CDH4: variants seen among roughly 807,000 people sequenced by gnomAD.
CDH4 encodes cadherin 4.
Under a neutral mutation model 86.0 loss-of-function variants are expected in CDH4, and 33 were observed. The observed-to-expected ratio is 0.38, with a 90% CI of 0.29 to 0.51. CDH4 has a LOEUF of 0.51. Among genes scored for constraint, CDH4 ranks in the 20% least tolerant of loss-of-function variants. The probability of loss-of-function intolerance (pLI) is 0.86; values close to 1 mark genes in which losing one functional copy is unlikely to be tolerated. For synonymous variants in CDH4, 555 were observed against 549.4 expected, an observed-to-expected ratio of 1.01 and a Z score of -0.14; for missense variants, 1,114 against 1,307.4, an observed-to-expected ratio of 0.85 and a Z score of 2.28.
intron 2 of CDH4, among the ~76,000 whole-genome samples, chr20:61,450,191 A>C (rs188885782): frequency 1.7e-4 from 26 of 152,332 alleles, no homozygotes; most frequent in Admixed American, 9.2e-4. Flanking sequence ...AGTCTGGTTC[A>C]GGGCTGTCTC....
chr20:61,750,926 A>G (rs946495963), intron 3 of CDH4, among the ~76,000 whole-genome samples: 3 of 152,246 alleles, frequency 2.0e-5, no homozygotes, highest in African/African-American at 4.8e-5. Flanking sequence ...ACAAAAATGT[A>G]CAAGACTTCT....
intron 2 of CDH4, among the ~76,000 whole-genome samples, chr20:61,722,938 G>A (rs193294772): frequency 2.6e-5 from 4 of 152,242 alleles, no homozygotes; most frequent in East Asian, 1.9e-4. Flanking sequence ...TTCTTTCCTC[G>A]TGCTCTTTAG....
At chr20:61,907,736 G>A (rs1476746917) in intron 8 of CDH4, among the ~76,000 whole-genome samples, 2 of 152,180 alleles carry the variant, frequency 1.3e-5, no homozygotes, top group South Asian at 2.1e-4. Flanking sequence ...TGCAGGTTCC[G>A]GGCTCTGGCC....
At chr20:61,688,112 A>G (rs2087608811) in intron 2 of CDH4, among the ~76,000 whole-genome samples, 1 of 152,086 alleles carries the variant, frequency 6.6e-6, no homozygotes, top group Admixed American at 6.5e-5. Context: ...GGTCTCCCCT[A>G]CAGCAGCCTC....
rs553370842 is a variant in CDH4 at position 61,939,228 on chromosome 20, C to T, written c.*2285C>T. 25 of 152,350 alleles carry T rather than the reference C, an allele frequency of 1.6e-4. No individual in the cohort carries two copies. The highest frequency in any genetic ancestry group is 5.3e-4 in the African/African-American group (22 of 41,550). The allele number at this position is 152,350 out of a possible 1,614,324, so 9.4% of individuals were successfully genotyped here. A position where few individuals can be genotyped will look rare whatever the true frequency, so the allele number is the denominator to read the frequency against. On this transcript the variant is annotated 3_prime_UTR_variant, in exon 16 of 16. Coordinates refer to ENST00000614565, the MANE Select transcript of CDH4 (RefSeq NM_001794.5). ...GCATGAACTCCTTTCTCTGAAATTTCGAGGCCTCCTTGGGTTCCCTGAACT... is the reference window on the plus strand; with the variant it reads ...GCATGAACTCCTTTCTCTGAAATTTTGAGGCCTCCTTGGGTTCCCTGAACT...
At chr20:61,546,613 A>G (rs1324498152) in intron 2 of CDH4, among the ~76,000 whole-genome samples, 1 of 151,706 alleles carries the variant, frequency 6.6e-6, no homozygotes, top group Non-Finnish European at 1.5e-5. Flanking sequence ...CCTCTCTGCT[A>G]CAATAGACAA....
At chr20:61,378,652 A>G (rs912025584) in intron 2 of CDH4, among the ~76,000 whole-genome samples, 1 of 152,196 alleles carries the variant, frequency 6.6e-6, no homozygotes, top group Non-Finnish European at 1.5e-5. Flanking sequence ...CAAAATTACT[A>G]ATCACATCTG....
At chr20:61,748,190 T>C (rs2088443205) in intron 3 of CDH4, among the ~76,000 whole-genome samples, 1 of 152,226 alleles carries the variant, frequency 6.6e-6, no homozygotes. Context: ...TGCAGTGCAG[T>C]GGCGCAATCT....
intron 3 of CDH4, among the ~76,000 whole-genome samples, chr20:61,758,242 C>T (rs1445528382): frequency 6.6e-6 from 1 of 152,096 alleles, no homozygotes; most frequent in African/African-American, 2.4e-5. Context: ...GGGAAGAAGC[C>T]AGCCGTGAAA....
At chr20:61,590,897 C>A in intron 2 of CDH4, among the ~76,000 whole-genome samples, 1 of 144,492 alleles carries the variant, frequency 6.9e-6, no homozygotes, top group African/African-American at 2.5e-5. Flanking sequence ...GTCCCCGGGT[C>A]TCCAGGCTCC....
At position 61,696,905 on chromosome 20, in the gene CDH4, C is replaced by T. The variant is rs889625248; in HGVS notation, c.170-46658C>T. 1.2e-4 allele frequency among the ~76,000 whole-genome samples: 19 copies of T among 152,224 alleles called. No individual in the cohort carries two copies. The South Asian group carries it at 1.5e-3, about 12-fold the overall frequency. On this transcript the variant is annotated intron_variant, in intron 2 of 15. Transcript: ENST00000614565. ...CAATGGCAGGGGTCCTTACGAGAGA[C>T]GCACAGAATGCAGTTGGGGAAAAGA...
intron 2 of CDH4, among the ~76,000 whole-genome samples, chr20:61,688,343 GTCC>G (rs1382128959): frequency 2.0e-5 from 3 of 151,256 alleles, no homozygotes; most frequent in African/African-American, 7.3e-5. Context: ...TCCCCATTGT[GTCC>G]TCCTCCCACC....
chr20:61,570,261 C>T (rs1203124444), intron 2 of CDH4: 2 of 197,632 alleles, frequency 1.0e-5, no homozygotes, highest in African/African-American at 4.6e-5. Flanking sequence ...TTTGTATGCA[C>T]CTGTATGTAC....
rs182486191 is a variant in CDH4, at chr20:61,352,832, G to A, written c.169+97895G>A. ...TTCTGCTCTTCGGAGTTCTTCATCC[G>A]GCAGTGCAGCCAGGAGCCCATCACC... is the stretch of plus-strand genomic sequence containing the variant. On this transcript the variant is annotated intron_variant, in intron 2 of 15. Transcript: ENST00000614565. Among the ~76,000 whole-genome samples the A allele has an allele frequency of 5.1e-4, 78 of 152,148 alleles. No individual in the cohort carries two copies. The East Asian group carries it at 0.014, about 27-fold the overall frequency.
chr20:61,407,157 A>G (rs2145486718), intron 2 of CDH4, among the ~76,000 whole-genome samples: 1 of 152,354 alleles, frequency 6.6e-6, no homozygotes, highest in African/African-American at 2.4e-5. Context: ...GTCCCTGTGA[A>G]GACTCAAGAG....
intron 2 of CDH4, among the ~76,000 whole-genome samples, chr20:61,458,635 T>C (rs546225426): frequency 1.4e-4 from 22 of 152,142 alleles, no homozygotes; most frequent in African/African-American, 5.3e-4. Context: ...GTAGTGGTAT[T>C]GGTGGTGGTG....
intron 2 of CDH4, among the ~76,000 whole-genome samples, chr20:61,470,340 T>C (rs1376591970): frequency 6.6e-6 from 1 of 152,174 alleles, no homozygotes; most frequent in South Asian, 2.1e-4. Flanking sequence ...TTTCAGATTG[T>C]TCACTGTTGA....
chr20:61,257,396 G>T (rs556329522), intron 2 of CDH4, among the ~76,000 whole-genome samples: 1 of 152,222 alleles, frequency 6.6e-6, no homozygotes, highest in African/African-American at 2.4e-5. Context: ...TGCTAATTAG[G>T]CTGGAAATAG....
chr20:61,817,898 A>G (rs1239098379), intron 4 of CDH4, among the ~76,000 whole-genome samples: 1 of 152,236 alleles, frequency 6.6e-6, no homozygotes, highest in Non-Finnish European at 1.5e-5. Flanking sequence ...GCAGCAGGAC[A>G]CACGCTGAGC....
Sources: allele counts gnomAD v4.1 joint callset (sites outside exome capture counted in the v4.1 genomes callset), GRCh38; gene constraint gnomAD v4.1.1; transcripts MANE v1.5; gene names NCBI Gene and HGNC (gene_info 2026-07-23, HGNC 2026-07-21).